The following ARHGAP11B variants were observed in gnomAD, a reference collection of about 807,000 sequenced individuals.
ARHGAP11B encodes inactive Rho GTPase-activating protein 11B.
In ARHGAP11B, 14 loss-of-function variants were observed where a neutral mutation model predicts 27.6. That is an observed-to-expected ratio of 0.51 (90% CI 0.34 to 0.79). ARHGAP11B has a LOEUF of 0.79. ARHGAP11B is among the 30% of genes least tolerant of loss of function. The pLI is 0.02. For missense variants in ARHGAP11B, 245 were observed against 320.1 expected, an observed-to-expected ratio of 0.77 and a Z score of 1.79; for synonymous variants, 82 against 114.1, an observed-to-expected ratio of 0.72 and a Z score of 1.80.
At chr15:30,648,058 C>T (rs2060362162) in intron 10 of ARHGAP11B, among the ~76,000 whole-genome samples, 1 of 151,876 alleles carries the variant, frequency 6.6e-6, no homozygotes, top group South Asian at 2.1e-4. Context: ...CTCTGACTCC[C>T]AAAGTGTTAG....
chr15:30,647,338 T>C (rs2060356653), intron 9 of ARHGAP11B, among the ~76,000 whole-genome samples: 1 of 151,946 alleles, frequency 6.6e-6, no homozygotes, highest in Non-Finnish European at 1.5e-5. Context: ...GGCCCTCATT[T>C]GGGAATTGGC....
At chr15:30,648,352 C>G (rs540993122) in exon 11 of ARHGAP11B, among the ~76,000 whole-genome samples, 1 of 152,094 alleles carries the variant, frequency 6.6e-6, no homozygotes, top group South Asian at 2.1e-4. Flanking sequence ...TTAGAAGGCT[C>G]TGGGTTCCTG....
intron 6 of ARHGAP11B, 89 bp downstream of exon 6, chr15:30,635,722 G>T (rs2060276183): frequency 7.5e-7 from 1 of 1,341,984 alleles, no homozygotes; most frequent in African/African-American, 1.5e-5. Context: ...TGTGGTATGT[G>T]CCTTTTTGGT....
At chr15:30,636,867 A>G (rs1393006292) in intron 6 of ARHGAP11B, among the ~76,000 whole-genome samples, 1 of 152,034 alleles carries the variant, frequency 6.6e-6, no homozygotes, top group Non-Finnish European at 1.5e-5. Context: ...TCCCTCTTAC[A>G]GGGCACATTG....
In ARHGAP11B at chr15:30,634,235, T is replaced by TA. The variant is rs755219465; in HGVS notation, c.365dup (p.Gln123AlafsTer4). ...CTCCTTGTGATATTGCGGGACTTCT[T>TA]AAGCAGTTTTTTAGGGAACTGCCAG... is the stretch of plus-strand genomic sequence containing the variant. On this transcript the variant is annotated frameshift_variant, in exon 4 of 11. Coordinates refer to ENST00000428041, the Ensembl canonical transcript of ARHGAP11B. LOFTEE classifies it high-confidence loss of function. 423 of 1,611,870 alleles carry TA rather than the reference T, an allele frequency of 2.6e-4. 3 individuals are homozygous for TA. Among genetic ancestry groups the TA allele is most frequent in the Admixed American group, 3.8e-4 (23 of 59,772 alleles).
exon 11 of ARHGAP11B, among the ~76,000 whole-genome samples, chr15:30,648,418 G>A (rs1211657214): frequency 1.3e-5 from 2 of 151,964 alleles, no homozygotes; most frequent in Non-Finnish European, 2.9e-5. Flanking sequence ...GTTTCCTGGG[G>A]AGGGTGAGTG....
chr15:30,643,436 G>A (rs371803803), intron 7 of ARHGAP11B, among the ~76,000 whole-genome samples: 9 of 151,746 alleles, frequency 5.9e-5, no homozygotes, highest in African/African-American at 1.5e-4. Context: ...CTGCCACTGC[G>A]CCTGGCTAAG....
chr15:30,647,063 T>A lies in ARHGAP11B; in HGVS notation c.*325-605T>A, dbSNP rs988928614. 2.5e-4 allele frequency among the ~76,000 whole-genome samples: 38 copies of A among 152,022 alleles called. 1 individual carries two copies. The highest frequency in any genetic ancestry group is 8.7e-4 in the African/African-American group (36 of 41,418). On this transcript the variant is annotated intron_variant, in intron 9 of 10. Coordinates refer to ENST00000428041, the Ensembl canonical transcript of ARHGAP11B. ...GCCCATGTGGAATGGGTTGTGGGTG[T>A]TGGTTCCTTTACTGGGTCATCTGGT...
At position 30,626,959 on chromosome 15, in the gene ARHGAP11B, G is replaced by A. The variant is rs762702575; in HGVS notation, c.129+10G>A. 4 of 1,612,174 alleles carry A rather than the reference G, an allele frequency of 2.5e-6. No individual in the cohort carries two copies. In the East Asian group the frequency reaches 6.7e-5, roughly 27 times the overall value. ...AGCCACGGAAATAGGGGTAAGTTCT[G>A]TGAAAAGGGATTTAGGTTTAAAAGA... On this transcript the variant is annotated intron_variant, in intron 1 of 10. Coordinates refer to ENST00000428041, the Ensembl canonical transcript of ARHGAP11B.
chr15:30,641,967 C>A (rs1360253374), intron 7 of ARHGAP11B, among the ~76,000 whole-genome samples: 3 of 152,014 alleles, frequency 2.0e-5, no homozygotes, highest in Non-Finnish European at 4.4e-5. Context: ...CTGCCCTCCT[C>A]AGCCTCCCAA....
At position 30,633,587 on chromosome 15, in the gene ARHGAP11B, G is replaced by A. The variant is rs763085536; in HGVS notation, c.297+1G>A. On this transcript the variant is annotated splice_donor_variant, in intron 3 of 10. Coordinates refer to ENST00000428041, the Ensembl canonical transcript of ARHGAP11B. LOFTEE classifies it high-confidence loss of function. ...TGTGATTCGCCTAAAAGCACTAAAG[G>A]TGAGCATATTGTTGAACTATAATTT... is the stretch of plus-strand genomic sequence containing the variant. The A allele has an allele frequency of 2.5e-6, 4 of 1,605,620 alleles. No homozygotes were observed. The highest frequency in any genetic ancestry group is 1.3e-5 in the African/African-American group (1 of 74,602).
At chr15:30,626,879 G>A in exon 1 of ARHGAP11B, 2 of 1,613,604 alleles carry the variant, frequency 1.2e-6, no homozygotes, top group South Asian at 1.1e-5. Context: ...GCCTTCTATG[G>A]TATTAAGGTG....
At chr15:30,633,560 T>C in exon 3 of ARHGAP11B, 2 of 1,613,230 alleles carry the variant, frequency 1.2e-6, no homozygotes, top group Non-Finnish European at 1.7e-6. Flanking sequence ...GAAATCAGGA[T>C]CTGTGATTCG....
At chr15:30,636,755 GCT>G (rs1164588808) in intron 6 of ARHGAP11B, among the ~76,000 whole-genome samples, 1 of 152,074 alleles carries the variant, frequency 6.6e-6, no homozygotes, top group African/African-American at 2.4e-5. Context: ...CCTCTTCCTG[GCT>G]CCTGGTAGTG....
chr15:30,634,907 G>C (rs1005656007), intron 4 of ARHGAP11B, among the ~76,000 whole-genome samples, 173 bp from the exon 5 acceptor site: 1 of 151,516 alleles, frequency 6.6e-6, no homozygotes, highest in Non-Finnish European at 1.5e-5. Flanking sequence ...ATATAGAGAG[G>C]CTATATATTT....
At chr15:30,627,061 G>C (rs1164172497) in intron 1 of ARHGAP11B, 112 bp downstream of exon 1, 2 of 1,495,316 alleles carry the variant, frequency 1.3e-6, no homozygotes, top group Non-Finnish European at 1.8e-6. Flanking sequence ...AGAATGGTTA[G>C]GTGTGTAATT....
At chr15:30,647,134 C>T (rs114799452) in intron 9 of ARHGAP11B, among the ~76,000 whole-genome samples, 3,765 of 151,970 alleles carry the variant, frequency 0.025, 150 homozygotes, top group African/African-American at 0.079. Context: ...ACATCAACCC[C>T]CTAAGACATT....
intron 6 of ARHGAP11B, among the ~76,000 whole-genome samples, chr15:30,638,379 T>A (rs896539363): frequency 1.3e-5 from 2 of 151,882 alleles, no homozygotes; most frequent in Non-Finnish European, 2.9e-5. Context: ...TCTCTACTGA[T>A]CTTTTAAATA....
intron 6 of ARHGAP11B, 47 bp downstream of exon 6, chr15:30,635,680 C>T (rs762104787): frequency 5.6e-6 from 9 of 1,596,512 alleles, no homozygotes; most frequent in East Asian, 2.2e-5. Context: ...TTGCTTTAAT[C>T]GAAAGTACAT....
Sources: gnomAD v4.1 joint callset for allele counts (sites outside exome capture counted in the v4.1 genomes callset) on GRCh38, gnomAD v4.1.1 for gene constraint, MANE v1.5 for transcripts, NCBI Gene and HGNC (gene_info 2026-07-23, HGNC 2026-07-21) for gene names.